Variants in EBF2 observed in about 807,000 individuals in gnomAD.
EBF2 encodes transcription factor COE2.
EBF2 carries 21 observed loss-of-function variants against 72.8 expected under a neutral mutation model. The observed-to-expected ratio is 0.29, with a 90% confidence interval of 0.20 to 0.42. The LOEUF is 0.42. Among genes scored for constraint, EBF2 ranks in the 10% least tolerant of loss-of-function variants. EBF2 has a pLI of 1.00. For missense variants in EBF2, 637 were observed against 731.2 expected (o/e 0.87, Z 1.49); for synonymous variants, 299 against 274.2 (o/e 1.09, Z -0.89).
chr8:26,011,318 C>T (rs1804978320), intron 6 of EBF2, among the ~76,000 whole-genome samples: 1 of 152,158 alleles, frequency 6.6e-6, no homozygotes, highest in Non-Finnish European at 1.5e-5. Flanking sequence ...TAAAAGAAAG[C>T]GATAGCAGCG....
At chr8:26,040,861 G>T in intron 3 of EBF2, 78 bp downstream of exon 3, 1 of 1,592,298 alleles carries the variant, frequency 6.3e-7, no homozygotes, top group South Asian at 1.1e-5. Flanking sequence ...CCCTGAGAGT[G>T]ATCATGGCAA....
chr8:25,859,295 G>A (rs1359684375), intron 13 of EBF2, among the ~76,000 whole-genome samples: 4 of 152,204 alleles, frequency 2.6e-5, no homozygotes. Flanking sequence ...ACATGCCATA[G>A]CATCTTTTGG....
At chr8:25,896,461 G>A (rs577983141) in intron 7 of EBF2, among the ~76,000 whole-genome samples, 2 of 152,074 alleles carry the variant, frequency 1.3e-5, no homozygotes, top group Non-Finnish European at 2.9e-5. Context: ...AAATGGTCTC[G>A]AAAATTCCTG....
chr8:26,040,193 C>G, intron 4 of EBF2, 92 bp from the exon 5 acceptor site: 1 of 1,346,654 alleles, frequency 7.4e-7, no homozygotes, highest in East Asian at 2.3e-5. Context: ...ACATCGCTTT[C>G]CCTCCCACTA....
At chr8:25,963,995 G>A (rs1355355471) in intron 6 of EBF2, among the ~76,000 whole-genome samples, 6 of 152,016 alleles carry the variant, frequency 3.9e-5, no homozygotes, top group African/African-American at 9.7e-5. Flanking sequence ...TTTCCTTGCT[G>A]CTGATGAAGC....
intron 6 of EBF2, among the ~76,000 whole-genome samples, chr8:26,002,874 G>T (rs1804758575): frequency 1.2e-5 from 1 of 86,718 alleles, no homozygotes; most frequent in South Asian, 5.6e-4. Flanking sequence ...GGGCAGGCGG[G>T]CAGGCGGGCA....
chr8:26,040,059 G>T lies in EBF2; in HGVS notation c.451C>A (p.Arg151=). ...EGQNKNPEMC[R]VLLTHEVMCS... is the part of the protein sequence containing the mutation. The stretch of plus-strand genomic sequence containing the variant: ...ATCACTTCGTGCGTCAGGAGAACTC[G>T]GCACATTTCCGGATTCTTATTCTGT... Residue 151 remains arginine, a synonymous_variant, in exon 5 of 16, where the codon CGA becomes AGA. Coordinates refer to ENST00000520164, the MANE Select transcript of EBF2 (RefSeq NM_022659.4). 1 of 1,614,062 alleles carries T rather than the reference G, an allele frequency of 6.2e-7. No individual in the cohort carries two copies. The highest frequency in any genetic ancestry group is 1.1e-5 in the South Asian group (1 of 91,070).
intron 6 of EBF2, among the ~76,000 whole-genome samples, chr8:25,961,857 A>G (rs559658417): frequency 1.3e-5 from 2 of 152,284 alleles, no homozygotes; most frequent in African/African-American, 4.8e-5. Flanking sequence ...TGGAAAATTC[A>G]TTTGCCCATT....
At chr8:25,953,355 A>G (rs1198565077) in intron 6 of EBF2, among the ~76,000 whole-genome samples, 1 of 152,262 alleles carries the variant, frequency 6.6e-6, no homozygotes, top group African/African-American at 2.4e-5. Flanking sequence ...GAATGGAAAC[A>G]TGATTTTCCT....
intron 10 of EBF2, among the ~76,000 whole-genome samples, chr8:25,863,558 A>G (rs1802248919): frequency 6.6e-6 from 1 of 152,134 alleles, no homozygotes; most frequent in Non-Finnish European, 1.5e-5. Context: ...TTATTCTTTA[A>G]AAGTTTCTTG....
rs1293082709 is a variant in EBF2 at position 25,953,958 on chromosome 8, C to T, written c.552-45403G>A. 2.6e-5 allele frequency among the ~76,000 whole-genome samples: 4 copies of T among 152,130 alleles called. No individual in the cohort carries two copies. In the South Asian group the frequency reaches 8.3e-4, roughly 32 times the overall value. ...AAACAGATGGGATGCAGATTTGAGA[C>T]CTGTTAAAGGTTGGGCTTTCCTTTT... is the stretch of plus-strand genomic sequence containing the variant. On this transcript the variant is annotated intron_variant, in intron 6 of 15. Transcript: ENST00000520164.
At chr8:25,986,678 A>T (rs1228390043) in intron 6 of EBF2, among the ~76,000 whole-genome samples, 2 of 49,606 alleles carry the variant, frequency 4.0e-5, no homozygotes, top group Non-Finnish European at 8.1e-5. Context: ...AACAACTTTA[A>T]AAAAAAACTG....
At chr8:25,864,672 T>C (rs1193969262) in intron 10 of EBF2, among the ~76,000 whole-genome samples, 1 of 152,228 alleles carries the variant, frequency 6.6e-6, no homozygotes, top group Non-Finnish European at 1.5e-5. Flanking sequence ...TCTATACATA[T>C]ATTCTGTTTT....
At chr8:25,992,927 A>C (rs1804568412) in intron 6 of EBF2, among the ~76,000 whole-genome samples, 1 of 152,000 alleles carries the variant, frequency 6.6e-6, no homozygotes, top group Non-Finnish European at 1.5e-5. Flanking sequence ...CATATTTGGA[A>C]ATTAAAAGAA....
At chr8:25,856,367 C>T (rs1426150265) in intron 14 of EBF2, among the ~76,000 whole-genome samples, 1 of 152,150 alleles carries the variant, frequency 6.6e-6, no homozygotes, top group Admixed American at 6.5e-5. Context: ...ACTATAAATA[C>T]ATTAAATATT....
chr8:26,030,403 C>T (rs1805379008), intron 6 of EBF2, among the ~76,000 whole-genome samples: 1 of 147,110 alleles, frequency 6.8e-6, no homozygotes, highest in South Asian at 2.3e-4. Flanking sequence ...GGAAGGAGAA[C>T]ATCACACACC....
chr8:26,003,861 C>T (rs1804782317), intron 6 of EBF2, among the ~76,000 whole-genome samples: 1 of 152,186 alleles, frequency 6.6e-6, no homozygotes, highest in African/African-American at 2.4e-5. Context: ...TCTGGCGAAG[C>T]ACCAGGAGGA....
chr8:25,890,474 T>A (rs1270523641), intron 7 of EBF2, among the ~76,000 whole-genome samples: 1 of 152,168 alleles, frequency 6.6e-6, no homozygotes, highest in Non-Finnish European at 1.5e-5. Flanking sequence ...AGAGGTGGTG[T>A]GGAACAGTGG....
chr8:26,037,589 C>T (rs929453955), intron 5 of EBF2, among the ~76,000 whole-genome samples: 5 of 152,174 alleles, frequency 3.3e-5, no homozygotes, highest in East Asian at 3.9e-4. Context: ...CGCCTTGTGG[C>T]GAAAAGTCAC....
Sources: allele counts gnomAD v4.1 joint callset (sites outside exome capture counted in the v4.1 genomes callset), GRCh38; gene constraint gnomAD v4.1.1; transcripts MANE v1.5; gene names NCBI Gene and HGNC (gene_info 2026-07-23, HGNC 2026-07-21).